CDKAL1: variants seen among roughly 807,000 people sequenced by gnomAD.
The protein encoded by CDKAL1 is CDKAL1 threonylcarbamoyladenosine tRNA methylthiotransferase.
CDKAL1 carries 32 observed loss-of-function variants against 68.2 expected under a neutral mutation model. The ratio of observed to expected loss-of-function variants is 0.47; its 90% CI spans 0.35 to 0.63. The LOEUF (loss-of-function observed/expected upper bound fraction) is 0.63, where lower values mean the gene tolerates loss of function less well. Ranked by LOEUF, CDKAL1 falls within the 30% of genes least tolerant of loss-of-function variation. The pLI is 0.00. For missense variants in CDKAL1, 606 were observed against 696.7 expected (o/e 0.87, Z 1.47); for synonymous variants, 234 against 244.3 (o/e 0.96, Z 0.39).
At position 20,985,969 on chromosome 6, in the gene CDKAL1, T is replaced by C. The variant is rs151323065; in HGVS notation, c.910-14258T>C. On this transcript the variant is annotated intron_variant, in intron 10 of 15. Transcript: ENST00000274695. Reference sequence around the variant, plus strand: ...TTGTATCTATTTATTTTTTCCATTCTCTCATCATAGCTCCAGGGACAACAT... The same window carrying C: ...TTGTATCTATTTATTTTTTCCATTCCCTCATCATAGCTCCAGGGACAACAT... Among the ~76,000 whole-genome samples, 22 of 152,318 alleles carry C rather than the reference T, an allele frequency of 1.4e-4. No homozygotes were observed. The East Asian group carries it at 4.1e-3, about 28-fold the overall frequency.
At chr6:21,044,012 A>G (rs930510340) in intron 11 of CDKAL1, among the ~76,000 whole-genome samples, 1 of 152,234 alleles carries the variant, frequency 6.6e-6, no homozygotes, top group Non-Finnish European at 1.5e-5. Flanking sequence ...AGTGGAATAT[A>G]AATTCTATTG....
At chr6:21,033,526 G>A (rs1263596445) in intron 11 of CDKAL1, among the ~76,000 whole-genome samples, 1 of 152,158 alleles carries the variant, frequency 6.6e-6, no homozygotes, top group African/African-American at 2.4e-5. Flanking sequence ...GGGACCTGGA[G>A]AGGAGGATGG....
intron 11 of CDKAL1, among the ~76,000 whole-genome samples, chr6:21,045,162 A>G (rs932946608): frequency 2.0e-5 from 3 of 152,248 alleles, no homozygotes; most frequent in African/African-American, 7.2e-5. Context: ...GAAATAGCAC[A>G]GAAAAAGGAC....
chr6:21,110,305 A>T (rs1774058551), intron 13 of CDKAL1, among the ~76,000 whole-genome samples: 1 of 152,174 alleles, frequency 6.6e-6, no homozygotes, highest in African/African-American at 2.4e-5. Flanking sequence ...CATCCAGGCA[A>T]ATCTATCCAT....
chr6:20,951,957 C>CTTT (rs10558500), intron 9 of CDKAL1, among the ~76,000 whole-genome samples: 5 of 91,816 alleles, frequency 5.4e-5, no homozygotes, highest in Admixed American at 1.2e-4. Context: ...TTTTCATTTT[C>CTTT]TTTTTTTTTT....
chr6:21,097,066 T>C (rs967455797), intron 12 of CDKAL1, among the ~76,000 whole-genome samples: 14 of 152,356 alleles, frequency 9.2e-5, no homozygotes, highest in African/African-American at 3.4e-4. Flanking sequence ...TTAAGCCCTA[T>C]TTGCTTTGCT....
chr6:21,166,104 A>G (rs979819251), intron 13 of CDKAL1, among the ~76,000 whole-genome samples: 14 of 152,208 alleles, frequency 9.2e-5, no homozygotes, highest in African/African-American at 3.1e-4. Flanking sequence ...AAGTACTCAG[A>G]ACAGAGCCAG....
At chr6:20,921,156 C>T in intron 9 of CDKAL1, among the ~76,000 whole-genome samples, 1 of 152,296 alleles carries the variant, frequency 6.6e-6, no homozygotes, top group East Asian at 1.9e-4. Flanking sequence ...ACTGGCAAGG[C>T]ACGGTGGCTC....
chr6:21,211,368 C>G (rs1779140760), intron 15 of CDKAL1, among the ~76,000 whole-genome samples: 1 of 152,196 alleles, frequency 6.6e-6, no homozygotes, highest in Non-Finnish European at 1.5e-5. Flanking sequence ...TCGTCCAAGA[C>G]AGGTTAGGCT....
chr6:20,766,808 AT>A (rs1774723451), intron 7 of CDKAL1, among the ~76,000 whole-genome samples: 1 of 152,060 alleles, frequency 6.6e-6, no homozygotes, highest in African/African-American at 2.4e-5. Context: ...AACCATATTA[AT>A]TTTTCTTAAT....
chr6:20,828,211 C>T (rs1225273731), intron 8 of CDKAL1, among the ~76,000 whole-genome samples: 1 of 151,978 alleles, frequency 6.6e-6, no homozygotes, highest in Non-Finnish European at 1.5e-5. Flanking sequence ...ATAAATAGTA[C>T]TGTAATGCCT....
chr6:20,843,639 T>C (rs1040740367), intron 8 of CDKAL1, among the ~76,000 whole-genome samples: 4 of 152,210 alleles, frequency 2.6e-5, no homozygotes, highest in Non-Finnish European at 5.9e-5. Flanking sequence ...TTGACTGCAT[T>C]TTGATTGCAA....
At chr6:20,718,534 T>C (rs1310817281) in intron 5 of CDKAL1, among the ~76,000 whole-genome samples, 2 of 152,270 alleles carry the variant, frequency 1.3e-5, no homozygotes, top group Admixed American at 1.3e-4. Context: ...TACTACAAAC[T>C]GGGGGTGAAA....
At chr6:20,599,969 A>C (rs1489031723) in intron 4 of CDKAL1, among the ~76,000 whole-genome samples, 1 of 152,162 alleles carries the variant, frequency 6.6e-6, no homozygotes, top group Non-Finnish European at 1.5e-5. Flanking sequence ...TCATACTAGA[A>C]ATGGTGGATG....
At chr6:21,174,501 T>G (rs1777506382) in intron 13 of CDKAL1, among the ~76,000 whole-genome samples, 1 of 152,072 alleles carries the variant, frequency 6.6e-6, no homozygotes, top group Non-Finnish European at 1.5e-5. Context: ...GACAAAGAGA[T>G]TCAATAAACA....
intron 14 of CDKAL1, 42 bp from the exon 15 acceptor site, chr6:21,201,068 T>G: frequency 6.5e-7 from 1 of 1,550,130 alleles, no homozygotes; most frequent in Non-Finnish European, 8.8e-7. Context: ...AAGTAAAATG[T>G]TTATTTTTAA....
chr6:21,125,522 A>G (rs904820212), intron 13 of CDKAL1, among the ~76,000 whole-genome samples: 6 of 152,018 alleles, frequency 3.9e-5, no homozygotes, highest in African/African-American at 1.4e-4. Context: ...AAAATACAAA[A>G]TTAGCCGGGC....
chr6:20,810,835 G>T (rs992413143), intron 8 of CDKAL1, among the ~76,000 whole-genome samples: 1 of 151,530 alleles, frequency 6.6e-6, no homozygotes, highest in African/African-American at 2.4e-5. Flanking sequence ...TTGTTCATTC[G>T]CCCTCTTTAT....
chr6:21,030,517 C>A (rs1329907999), intron 11 of CDKAL1, among the ~76,000 whole-genome samples: 1 of 152,088 alleles, frequency 6.6e-6, no homozygotes, highest in African/African-American at 2.4e-5. Context: ...GAGAGATGTT[C>A]ATGGAAAAGC....
Sources: gnomAD v4.1 joint callset for allele counts (sites outside exome capture counted in the v4.1 genomes callset) on GRCh38, gnomAD v4.1.1 for gene constraint, MANE v1.5 for transcripts, NCBI Gene and HGNC (gene_info 2026-07-23, HGNC 2026-07-21) for gene names.